The following STK38L variants were observed in gnomAD, a reference collection of about 807,000 sequenced individuals.
STK38L encodes serine/threonine kinase 38 like.
In STK38L, 28 loss-of-function variants were observed where a neutral mutation model predicts 59.7. That is an observed-to-expected ratio of 0.47 (90% confidence interval 0.35 to 0.64). The LOEUF (loss-of-function observed/expected upper bound fraction) is 0.64, where lower values mean the gene tolerates loss of function less well. Among genes scored for constraint, STK38L ranks in the 30% least tolerant of loss-of-function variants. The pLI, the probability that STK38L is intolerant of heterozygous loss-of-function variation, is 0.01. For synonymous variants in STK38L, 162 were observed against 176.8 expected, an observed-to-expected ratio of 0.92 and a Z score of 0.66; for missense variants, 314 against 555.8, an observed-to-expected ratio of 0.56 and a Z score of 4.37.
intron 2 of STK38L, among the ~76,000 whole-genome samples, chr12:27,300,853 C>G (rs1285910671): frequency 6.6e-6 from 1 of 152,102 alleles, no homozygotes; most frequent in Admixed American, 6.5e-5. Context: ...ACTAAGTGAT[C>G]TTAATGATGG....
chr12:27,318,960 C>T (rs1014010604), intron 11 of STK38L, among the ~76,000 whole-genome samples: 1 of 152,096 alleles, frequency 6.6e-6, no homozygotes, highest in Non-Finnish European at 1.5e-5. Context: ...CACTGCACTC[C>T]AGCCTGTGTG....
At chr12:27,286,842 G>C (rs1233901232) in intron 1 of STK38L, among the ~76,000 whole-genome samples, 2 of 152,116 alleles carry the variant, frequency 1.3e-5, no homozygotes, top group Non-Finnish European at 2.9e-5. Flanking sequence ...CCTCACTAAG[G>C]GGGTGTTTTC....
intron 2 of STK38L, chr12:27,300,455 G>A (rs574252439): frequency 2.2e-6 from 1 of 444,718 alleles, no homozygotes; most frequent in East Asian, 7.0e-5. Flanking sequence ...AATAACTGAG[G>A]AAAGGGACAG....
rs376346353 is a variant in STK38L, at chr12:27,252,504, T to C, written c.-12+8172T>C. Among the ~76,000 whole-genome samples the C allele has an allele frequency of 3.3e-4, 51 of 152,338 alleles. No individual in the cohort carries two copies. In the South Asian group the frequency reaches 9.5e-3, roughly 28 times the overall value. ...GTGTCTACCCACTGACCTGCTCCCA[T>C]TGTGGAAATACCACACCGTGTTTGC... On this transcript the variant is annotated intron_variant, in intron 1 of 13. Transcript: ENST00000389032.
intron 1 of STK38L, among the ~76,000 whole-genome samples, chr12:27,281,805 C>T (rs538428803): frequency 1.4e-4 from 21 of 152,162 alleles, no homozygotes; most frequent in African/African-American, 2.9e-4. Context: ...GAGGCCGAGA[C>T]GGGTGGATCA....
intron 1 of STK38L, among the ~76,000 whole-genome samples, chr12:27,258,433 A>T (rs1363087044): frequency 6.6e-6 from 1 of 151,892 alleles, no homozygotes; most frequent in African/African-American, 2.4e-5. Context: ...GGTTCAAGTG[A>T]TTCTCCTGTC....
chr12:27,252,740 A>G (rs1943004654), intron 1 of STK38L, among the ~76,000 whole-genome samples: 3 of 152,254 alleles, frequency 2.0e-5, no homozygotes, highest in African/African-American at 4.8e-5. Context: ...GGAAAATTTT[A>G]GTACTGAATT....
intron 1 of STK38L, among the ~76,000 whole-genome samples, chr12:27,246,398 C>T (rs556885028): frequency 2.0e-5 from 3 of 152,172 alleles, no homozygotes; most frequent in African/African-American, 7.2e-5. Context: ...ATTTGCATCT[C>T]GATGTATTGT....
chr12:27,256,540 C>T (rs1943095991), intron 1 of STK38L, among the ~76,000 whole-genome samples: 1 of 152,196 alleles, frequency 6.6e-6, no homozygotes, highest in Non-Finnish European at 1.5e-5. Flanking sequence ...TTAGGTACCT[C>T]TCCTAGGCTT....
At chr12:27,276,611 A>G (rs1943543127) in intron 1 of STK38L, among the ~76,000 whole-genome samples, 1 of 152,254 alleles carries the variant, frequency 6.6e-6, no homozygotes, top group Non-Finnish European at 1.5e-5. Flanking sequence ...GTAAAAAGCA[A>G]GATACTGTAT....
At chr12:27,280,450 G>A (rs750855767) in intron 1 of STK38L, among the ~76,000 whole-genome samples, 18 of 152,294 alleles carry the variant, frequency 1.2e-4, no homozygotes, top group Admixed American at 2.6e-4. Context: ...ATGTAAGAAC[G>A]CTCTGATTGT....
intron 1 of STK38L, among the ~76,000 whole-genome samples, chr12:27,281,432 G>T (rs1264741227): frequency 1.3e-5 from 2 of 152,166 alleles, no homozygotes; most frequent in Admixed American, 1.3e-4. Flanking sequence ...AGTAGGCATG[G>T]TCATTAGAAC....
intron 2 of STK38L, among the ~76,000 whole-genome samples, chr12:27,300,323 C>G (rs1944134902): frequency 6.6e-6 from 1 of 152,076 alleles, no homozygotes; most frequent in Non-Finnish European, 1.5e-5. Context: ...AGGTGGAAAA[C>G]TATTTTTAAA....
At chr12:27,304,489 T>G (rs1202461609) in intron 3 of STK38L, among the ~76,000 whole-genome samples, 4 of 152,108 alleles carry the variant, frequency 2.6e-5, no homozygotes, top group Admixed American at 2.6e-4. Context: ...TTTTTACATT[T>G]AAAATTATCT....
chr12:27,285,675 A>C (rs551967998), intron 1 of STK38L, among the ~76,000 whole-genome samples: 12 of 152,152 alleles, frequency 7.9e-5, no homozygotes, highest in Non-Finnish European at 1.3e-4. Flanking sequence ...CTCTGGTCAC[A>C]CCAAACCTTC....
At chr12:27,260,370 A>G (rs2035123) in intron 1 of STK38L, among the ~76,000 whole-genome samples, 2 of 152,214 alleles carry the variant, frequency 1.3e-5, no homozygotes, top group Admixed American at 6.5e-5. Context: ...TATTTTTCTC[A>G]TAACATCTAG....
chr12:27,276,720 A>G (rs1943545910), intron 1 of STK38L, among the ~76,000 whole-genome samples: 1 of 152,262 alleles, frequency 6.6e-6, no homozygotes, highest in Admixed American at 6.5e-5. Context: ...ATTACAGTAT[A>G]AACTAGTAAC....
chr12:27,278,039 G>C (rs769673437), intron 1 of STK38L, among the ~76,000 whole-genome samples: 2 of 152,180 alleles, frequency 1.3e-5, no homozygotes, highest in Non-Finnish European at 2.9e-5. Flanking sequence ...TTCTGGTTTT[G>C]AATAACCTAT....
intron 1 of STK38L, among the ~76,000 whole-genome samples, chr12:27,256,947 A>G (rs1943103143): frequency 6.6e-6 from 1 of 152,224 alleles, no homozygotes; most frequent in Admixed American, 6.5e-5. Flanking sequence ...ATAAAGGAAC[A>G]TAGGGCTTCT....
Sources: gnomAD v4.1 joint callset for allele counts (sites outside exome capture counted in the v4.1 genomes callset) on GRCh38, gnomAD v4.1.1 for gene constraint, MANE v1.5 for transcripts, NCBI Gene and HGNC (gene_info 2026-07-23, HGNC 2026-07-21) for gene names.